VSTM2L: variants seen among roughly 807,000 people sequenced by gnomAD.
VSTM2L encodes the protein V-set and transmembrane domain-containing protein 2-like protein.
In VSTM2L, 9 loss-of-function variants were observed where a neutral mutation model predicts 19.9. That is an observed-to-expected ratio of 0.45 (90% confidence interval 0.27 to 0.79). The LOEUF (loss-of-function observed/expected upper bound fraction) is 0.79. Among genes scored for constraint, VSTM2L ranks in the 30% least tolerant of loss-of-function variants. The pLI is 0.15. For missense variants in VSTM2L, 286 were observed against 295.5 expected (o/e 0.97, Z 0.24); for synonymous variants, 127 against 133.8 (o/e 0.95, Z 0.35).
At chr20:37,914,130 C>T (rs946090086) in intron 1 of VSTM2L, among the ~76,000 whole-genome samples, 6 of 150,746 alleles carry the variant, frequency 4.0e-5, no homozygotes, top group African/African-American at 7.3e-5. Context: ...TGTGTGTGCG[C>T]GCACGAATGT....
intron 3 of VSTM2L, among the ~76,000 whole-genome samples, chr20:37,940,903 G>A (rs2072968398): frequency 6.6e-6 from 1 of 152,180 alleles, no homozygotes; most frequent in Non-Finnish European, 1.5e-5. Flanking sequence ...AGAACAGCAT[G>A]GAGAAAACTG....
intron 3 of VSTM2L, among the ~76,000 whole-genome samples, chr20:37,940,441 T>A (rs6021972): frequency 0.042 from 6,360 of 152,314 alleles, 408 homozygotes; most frequent in African/African-American, 0.14. Flanking sequence ...AGGCTCAGCA[T>A]GAGGGAGGAA....
At chr20:37,903,953 GCA>G (rs200941414) in intron 1 of VSTM2L, among the ~76,000 whole-genome samples, 3 of 151,968 alleles carry the variant, frequency 2.0e-5, no homozygotes, top group Non-Finnish European at 4.4e-5. Flanking sequence ...GCGCGCGCGC[GCA>G]CACACACACA....
At chr20:37,932,756 G>GA (rs1396103708) in intron 2 of VSTM2L, among the ~76,000 whole-genome samples, 1 of 152,130 alleles carries the variant, frequency 6.6e-6, no homozygotes, top group Non-Finnish European at 1.5e-5. Flanking sequence ...TCAGCTCTTG[G>GA]AGGAACTCCA....
At chr20:37,931,330 C>T (rs573845716) in intron 1 of VSTM2L, among the ~76,000 whole-genome samples, 15 of 152,300 alleles carry the variant, frequency 9.8e-5, no homozygotes, top group African/African-American at 3.4e-4. Flanking sequence ...CCAGCCCAGG[C>T]CTTCTCTGAT....
At chr20:37,930,486 TG>T (rs1302307654) in intron 1 of VSTM2L, among the ~76,000 whole-genome samples, 2 of 152,016 alleles carry the variant, frequency 1.3e-5, no homozygotes, top group East Asian at 3.9e-4. Flanking sequence ...ACAATGTTCC[TG>T]GGTGACCTGC....
chr20:37,926,064 T>A (rs1322407083), intron 1 of VSTM2L, among the ~76,000 whole-genome samples: 1 of 152,182 alleles, frequency 6.6e-6, no homozygotes, highest in Non-Finnish European at 1.5e-5. Flanking sequence ...TGAGCCCTTT[T>A]TTTGTTTGTT....
intron 1 of VSTM2L, 125 bp from the exon 2 acceptor site, chr20:37,931,510 C>T: frequency 9.4e-7 from 1 of 1,060,220 alleles, no homozygotes; most frequent in Non-Finnish European, 1.4e-6. Flanking sequence ...GCTTGCAGGT[C>T]ACCCCACCCC....
intron 3 of VSTM2L, among the ~76,000 whole-genome samples, chr20:37,940,324 C>T (rs945693996): frequency 1.3e-5 from 2 of 152,246 alleles, no homozygotes; most frequent in Non-Finnish European, 2.9e-5. Flanking sequence ...AGAGGGGCAG[C>T]TGGGAGGGTT....
rs755327961 is a variant in VSTM2L, at chr20:37,938,370, T to G, written c.342+4781T>G. Among the ~76,000 whole-genome samples the G allele has an allele frequency of 4.6e-5, 7 of 152,196 alleles. No homozygotes were observed. The South Asian group carries it at 1.5e-3, about 32-fold the overall frequency. On this transcript the variant is annotated intron_variant, in intron 3 of 3. Coordinates refer to ENST00000373461, the MANE Select transcript of VSTM2L (RefSeq NM_080607.3). ...GCTGAGGGGCCAGCGAAGTGCTGGG[T>G]GGAGCTGATAGAGGCTGATTGCAGG...
At chr20:37,930,811 G>A (rs576139243) in intron 1 of VSTM2L, among the ~76,000 whole-genome samples, 54 of 152,238 alleles carry the variant, frequency 3.5e-4, no homozygotes, top group Middle Eastern at 3.4e-3. Context: ...GGAGAATTCC[G>A]TACCCATTCC....
At chr20:37,931,514 C>T (rs2072908649) in intron 1 of VSTM2L, 121 bp from the exon 2 acceptor site, 2 of 1,097,464 alleles carry the variant, frequency 1.8e-6, no homozygotes, top group African/African-American at 1.6e-5. Flanking sequence ...GCAGGTCACC[C>T]CACCCCCTCC....
chr20:37,928,279 C>T (rs908348127), intron 1 of VSTM2L, among the ~76,000 whole-genome samples: 2 of 152,184 alleles, frequency 1.3e-5, no homozygotes, highest in South Asian at 2.1e-4. Context: ...CTAGAATCAC[C>T]TCTTCGGCTC....
At chr20:37,939,086 G>A (rs1390662688) in intron 3 of VSTM2L, among the ~76,000 whole-genome samples, 1 of 152,178 alleles carries the variant, frequency 6.6e-6, no homozygotes, top group African/African-American at 2.4e-5. Flanking sequence ...CTGCATCATA[G>A]GGTTATTGTG....
At chr20:37,931,422 G>A (rs2072908070) in intron 1 of VSTM2L, among the ~76,000 whole-genome samples, 1 of 152,120 alleles carries the variant, frequency 6.6e-6, no homozygotes, top group African/African-American at 2.4e-5. Context: ...ATCTCATGTT[G>A]GCTGCTGCAC....
At chr20:37,913,010 C>T (rs996584384) in intron 1 of VSTM2L, among the ~76,000 whole-genome samples, 6 of 152,080 alleles carry the variant, frequency 3.9e-5, no homozygotes, top group Non-Finnish European at 7.4e-5. Flanking sequence ...TCCTTTCTCT[C>T]GGGTATGCAC....
chr20:37,922,948 G>A (rs938598192), intron 1 of VSTM2L, among the ~76,000 whole-genome samples: 6 of 149,218 alleles, frequency 4.0e-5, no homozygotes, highest in African/African-American at 1.6e-4. Flanking sequence ...ATCTGATGAG[G>A]CGACAAGGAA....
intron 1 of VSTM2L, among the ~76,000 whole-genome samples, chr20:37,914,164 T>C (rs2072797256): frequency 6.6e-6 from 1 of 151,114 alleles, no homozygotes; most frequent in African/African-American, 2.4e-5. Context: ...TGTATGTGTG[T>C]GGTGTGTGTG....
rs559956001 is a variant in VSTM2L, at chr20:37,905,326, C to T, written c.121+1855C>T. 2.2e-3 allele frequency among the ~76,000 whole-genome samples: 328 copies of T among 152,230 alleles called. 2 individuals carry two copies. The highest frequency in any genetic ancestry group is 6.8e-3 in the African/African-American group (284 of 41,534). ...GCTTATGGTCGTTCTGTCCCTAGAG[C>T]ACCAGACCCCAGGGACTTGGGTGCC... On this transcript the variant is annotated intron_variant, in intron 1 of 3. Transcript: ENST00000373461.
Sources: allele counts gnomAD v4.1 joint callset (sites outside exome capture counted in the v4.1 genomes callset), GRCh38; gene constraint gnomAD v4.1.1; transcripts MANE v1.5; gene names NCBI Gene and HGNC (gene_info 2026-07-23, HGNC 2026-07-21).